The following TLN2 variants were observed in gnomAD, a reference collection of about 807,000 sequenced individuals.
TLN2 encodes talin 2, also known as talin-2.
In TLN2, 118 loss-of-function variants were observed where a neutral mutation model predicts 294.7. That is an observed-to-expected ratio of 0.40 (90% CI 0.34 to 0.47). The LOEUF (loss-of-function observed/expected upper bound fraction) is 0.47. Ranked by LOEUF, TLN2 falls within the 20% of genes least tolerant of loss-of-function variation. The pLI, the probability that TLN2 is intolerant of heterozygous loss-of-function variation, is 0.84. For missense variants in TLN2, 3,083 were observed against 3,282.2 expected (o/e 0.94, Z 1.48); for synonymous variants, 1,431 against 1,304.5 (o/e 1.10, Z -2.09).
intron 26 of TLN2, among the ~76,000 whole-genome samples, chr15:62,723,960 C>G (rs2060297045): frequency 6.6e-6 from 1 of 152,006 alleles, no homozygotes; most frequent in Non-Finnish European, 1.5e-5. Context: ...ACCAGCCTGA[C>G]CAACATGGTG....
chr15:62,390,927 A>G (rs1436484082), intron 1 of TLN2, among the ~76,000 whole-genome samples: 1 of 152,240 alleles, frequency 6.6e-6, no homozygotes, highest in Non-Finnish European at 1.5e-5. Context: ...TGTCTATTGC[A>G]CATGTATGTT....
chr15:62,465,104 G>GTTTTTTTTTTTTTTTTT (rs57890839), intron 1 of TLN2, among the ~76,000 whole-genome samples: 4 of 85,512 alleles, frequency 4.7e-5, no homozygotes, highest in Admixed American at 1.6e-4. Flanking sequence ...TGGTGAGCGC[G>GTTTTTTTTTTTTTTTTT]TTTTTTTTTT....
intron 1 of TLN2, among the ~76,000 whole-genome samples, chr15:62,570,796 C>A (rs2043804525): frequency 6.6e-6 from 1 of 152,220 alleles, no homozygotes; most frequent in Non-Finnish European, 1.5e-5. Flanking sequence ...ATGTCTCCTG[C>A]ATGGGAAAAT....
At chr15:62,443,817 C>T (rs1191013341) in intron 1 of TLN2, among the ~76,000 whole-genome samples, 12 of 152,062 alleles carry the variant, frequency 7.9e-5, no homozygotes, top group South Asian at 2.1e-4. Flanking sequence ...ACCTTGGTAA[C>T]GGCGAAACCC....
At chr15:62,817,200 AT>A (rs1233129259) in intron 52 of TLN2, among the ~76,000 whole-genome samples, 1 of 152,186 alleles carries the variant, frequency 6.6e-6, no homozygotes, top group Non-Finnish European at 1.5e-5. Context: ...AGTAAAAGGC[AT>A]TTATCCCCTT....
At chr15:62,689,066 CTCT>C (rs751600911) in intron 12 of TLN2, among the ~76,000 whole-genome samples, 30 of 136,104 alleles carry the variant, frequency 2.2e-4, no homozygotes, top group Admixed American at 8.7e-4. Flanking sequence ...ATTTCTCTCT[CTCT>C]TTTTTTTTTT....
chr15:62,437,693 T>C (rs2035350869), intron 1 of TLN2, among the ~76,000 whole-genome samples: 1 of 152,066 alleles, frequency 6.6e-6, no homozygotes, highest in Non-Finnish European at 1.5e-5. Context: ...GATGCCTCTG[T>C]TTTAGGTCAG....
intron 1 of TLN2, among the ~76,000 whole-genome samples, chr15:62,486,341 T>A (rs1458432860): frequency 6.6e-6 from 1 of 152,114 alleles, no homozygotes; most frequent in African/African-American, 2.4e-5. Context: ...CACACAATAA[T>A]GTCCTTTATA....
At chr15:62,736,631 G>A (rs1218313819) in intron 28 of TLN2, among the ~76,000 whole-genome samples, 2 of 151,766 alleles carry the variant, frequency 1.3e-5, no homozygotes, top group Non-Finnish European at 2.9e-5. Flanking sequence ...TGGGAGCAAG[G>A]GAAGTCAGGG....
At chr15:62,506,683 T>C (rs565634358) in intron 1 of TLN2, among the ~76,000 whole-genome samples, 3 of 152,352 alleles carry the variant, frequency 2.0e-5, no homozygotes, top group African/African-American at 4.8e-5. Context: ...TACTTTGATA[T>C]GGCAGAAGCA....
intron 1 of TLN2, among the ~76,000 whole-genome samples, chr15:62,583,986 T>C (rs1405303231): frequency 6.6e-6 from 1 of 152,238 alleles, no homozygotes; most frequent in East Asian, 1.9e-4. Context: ...AGTAAGCATA[T>C]ATTTTACACT....
chr15:62,449,403 C>T (rs905720839), intron 1 of TLN2, among the ~76,000 whole-genome samples: 2 of 152,158 alleles, frequency 1.3e-5, no homozygotes, highest in Non-Finnish European at 2.9e-5. Context: ...GCAGTAGTTG[C>T]TTCATAGCCC....
At chr15:62,580,395 C>T (rs2044833384) in intron 1 of TLN2, among the ~76,000 whole-genome samples, 1 of 149,180 alleles carries the variant, frequency 6.7e-6, no homozygotes, top group African/African-American at 2.5e-5. Context: ...TCTCTTCTCC[C>T]CTCTCTACCT....
chr15:62,648,085 A>G (rs997996997), intron 4 of TLN2, among the ~76,000 whole-genome samples: 6 of 152,150 alleles, frequency 3.9e-5, no homozygotes, highest in African/African-American at 1.4e-4. Context: ...CTTCCAAATC[A>G]GTAAGTCTTT....
At chr15:62,646,160 CT>C (rs2051805465) in intron 3 of TLN2, among the ~76,000 whole-genome samples, 1 of 99,968 alleles carries the variant, frequency 1.0e-5, no homozygotes, top group African/African-American at 3.6e-5. Context: ...CATCTCTTTT[CT>C]TTTCTTTCTT....
intron 1 of TLN2, among the ~76,000 whole-genome samples, chr15:62,446,601 C>T (rs1022644378): frequency 3.9e-5 from 6 of 152,168 alleles, no homozygotes. Context: ...ATCCGTTTTA[C>T]ATCTCTGGAC....
chr15:62,699,026 C>T (rs1385360803), intron 16 of TLN2, among the ~76,000 whole-genome samples, 159 bp downstream of exon 16: 1 of 152,148 alleles, frequency 6.6e-6, no homozygotes, highest in Non-Finnish European at 1.5e-5. Flanking sequence ...CAGTTGCACC[C>T]ATAGGAGGAG....
intron 1 of TLN2, among the ~76,000 whole-genome samples, chr15:62,545,528 G>T (rs1328808654): frequency 6.8e-6 from 1 of 147,794 alleles, no homozygotes; most frequent in African/African-American, 2.7e-5. Flanking sequence ...GTGTGTGTGT[G>T]TGTGTGTGTG....
intron 34 of TLN2, among the ~76,000 whole-genome samples, chr15:62,751,914 A>G (rs1036390590): frequency 9.2e-5 from 14 of 152,232 alleles, no homozygotes; most frequent in African/African-American, 3.4e-4. Context: ...AACTAGACAA[A>G]TGATATCTGG....
Sources: gnomAD v4.1 joint callset for allele counts (sites outside exome capture counted in the v4.1 genomes callset) on GRCh38, gnomAD v4.1.1 for gene constraint, MANE v1.5 for transcripts, NCBI Gene and HGNC (gene_info 2026-07-23, HGNC 2026-07-21) for gene names.